Variants in HDAC9 observed in about 807,000 individuals in gnomAD.
The protein encoded by HDAC9 is MEF-2 interacting transcription repressor (MITR) protein.
In HDAC9, 41 loss-of-function variants were observed where a neutral mutation model predicts 139.4. That is an observed-to-expected ratio of 0.29 (90% CI 0.23 to 0.38). The LOEUF is 0.38. HDAC9 is among the 10% of genes least tolerant of loss of function. HDAC9 has a pLI of 1.00. For missense variants in HDAC9, 1,147 were observed against 1,297.0 expected, an observed-to-expected ratio of 0.88 and a Z score of 1.78; for synonymous variants, 517 against 476.2, an observed-to-expected ratio of 1.09 and a Z score of -1.12.
At chr7:18,937,030 A>ATTTTT (rs768350029) in intron 23 of HDAC9, among the ~76,000 whole-genome samples, 45 of 96,698 alleles carry the variant, frequency 4.7e-4, no homozygotes, top group Non-Finnish European at 6.4e-4. Flanking sequence ...GCTCTTGTTA[A>ATTTTT]TTTTTTTTTT....
intron 21 of HDAC9, among the ~76,000 whole-genome samples, chr7:18,852,857 TC>T (rs1176790083): frequency 6.6e-6 from 1 of 151,816 alleles, no homozygotes; most frequent in Non-Finnish European, 1.5e-5. Context: ...TTTTTTTTTT[TC>T]CCTCTCTTTC....
chr7:18,339,136 G>A (rs1421428687), intron 1 of HDAC9, among the ~76,000 whole-genome samples: 1 of 151,336 alleles, frequency 6.6e-6, no homozygotes, highest in African/African-American at 2.4e-5. Context: ...TTGGTAATTA[G>A]TATCTTGCCT....
intron 22 of HDAC9, among the ~76,000 whole-genome samples, chr7:18,878,960 G>A (rs1401914153): frequency 6.6e-6 from 1 of 152,094 alleles, no homozygotes; most frequent in African/African-American, 2.4e-5. Flanking sequence ...CTTCATCAAA[G>A]TTTCAAGATG....
chr7:18,214,852 C>T (rs938692589), intron 2 of HDAC9, among the ~76,000 whole-genome samples: 3 of 152,102 alleles, frequency 2.0e-5, no homozygotes, highest in African/African-American at 7.2e-5. Flanking sequence ...TGTTATGGTT[C>T]TGTCCACTCA....
intron 1 of HDAC9, among the ~76,000 whole-genome samples, chr7:18,115,553 A>G (rs2128087575): frequency 6.6e-6 from 1 of 152,326 alleles, no homozygotes; most frequent in East Asian, 1.9e-4. Flanking sequence ...TAAGTCATTT[A>G]CATTTTATAT....
At chr7:18,410,952 G>A (rs1049365015) in intron 1 of HDAC9, among the ~76,000 whole-genome samples, 1 of 152,192 alleles carries the variant, frequency 6.6e-6, no homozygotes, top group South Asian at 2.1e-4. Context: ...TAGCCTTATA[G>A]AATTATAATC....
intron 1 of HDAC9, among the ~76,000 whole-genome samples, chr7:18,293,215 T>C (rs1455107094): frequency 6.6e-6 from 1 of 152,122 alleles, no homozygotes; most frequent in African/African-American, 2.4e-5. Context: ...TATGATCTTT[T>C]TGCAGAAAAA....
At chr7:18,529,415 CT>C (rs1458576283) in intron 2 of HDAC9, among the ~76,000 whole-genome samples, 4 of 152,170 alleles carry the variant, frequency 2.6e-5, no homozygotes, top group Non-Finnish European at 1.5e-5. Flanking sequence ...AGAGATTTTA[CT>C]TTAGCCAATT....
intron 1 of HDAC9, among the ~76,000 whole-genome samples, chr7:18,363,224 C>A (rs1783919696): frequency 6.6e-6 from 1 of 152,034 alleles, no homozygotes; most frequent in Non-Finnish European, 1.5e-5. Context: ...GGTAGATTTT[C>A]CATATAATTT....
Position 18,786,599 on chromosome 7 carries a change from TTCCTTCCTTCCTTCCTTCCCTCCCTCCC to T in HDAC9, c.2215-6732_2215-6705del, listed in dbSNP as rs1279668312. Among the ~76,000 whole-genome samples the T allele has an allele frequency of 7.0e-5, 6 of 86,264 alleles. 1 individual carries two copies. The highest frequency in any genetic ancestry group is 2.8e-4 in the African/African-American group (6 of 21,410). 56.6% of individuals were successfully genotyped at this position (86,264 alleles called of 152,430 possible). On this transcript the variant is annotated intron_variant, in intron 16 of 25. Coordinates refer to ENST00000686413, the MANE Select transcript of HDAC9 (RefSeq NM_178425.4). ...ATGGCTGGCTGGCTTCCTTCCTTCC[TTCCTTCCTTCCTTCCTTCCCTCCCTCCC>T]TCCTTCCTTCCTTTCTTCCCTCCTT...
chr7:18,296,644 T>A (rs1301993929), intron 1 of HDAC9, among the ~76,000 whole-genome samples: 1 of 152,174 alleles, frequency 6.6e-6, no homozygotes, highest in Non-Finnish European at 1.5e-5. Flanking sequence ...GTTTTTAAAA[T>A]GTCTATGCCT....
intron 23 of HDAC9, among the ~76,000 whole-genome samples, chr7:18,937,153 C>G (rs1382485463): frequency 6.6e-6 from 1 of 150,866 alleles, no homozygotes; most frequent in African/African-American, 2.4e-5. Flanking sequence ...GATTCCCCTG[C>G]CTCAGCCACC....
At chr7:18,610,438 A>C (rs2128906679) in intron 6 of HDAC9, among the ~76,000 whole-genome samples, 1 of 152,228 alleles carries the variant, frequency 6.6e-6, no homozygotes, top group South Asian at 2.1e-4. Flanking sequence ...ACCTTTTCAC[A>C]GTTTAACAAC....
chr7:18,263,284 CAAG>C (rs1309838667), intron 2 of HDAC9, among the ~76,000 whole-genome samples: 1 of 152,032 alleles, frequency 6.6e-6, no homozygotes, highest in Non-Finnish European at 1.5e-5. Context: ...TTTTATGTTA[CAAG>C]AAGATTTTAT....
intron 2 of HDAC9, among the ~76,000 whole-genome samples, chr7:18,279,052 G>A (rs1796928334): frequency 6.6e-6 from 1 of 152,162 alleles, no homozygotes; most frequent in Non-Finnish European, 1.5e-5. Flanking sequence ...ACCAATCTCA[G>A]GCGTGGACAG....
chr7:18,998,744 T>C lies in HDAC9; in HGVS notation c.*2682T>C, dbSNP rs958291862. Reference sequence around the variant, plus strand: ...AGAAGAGTATTATCAATTTTGCATCTCCTTGTGATACTTACTTTGAAGGAA... The same window carrying C: ...AGAAGAGTATTATCAATTTTGCATCCCCTTGTGATACTTACTTTGAAGGAA... On this transcript the variant is annotated 3_prime_UTR_variant, in exon 26 of 26. Transcript: ENST00000686413. The C allele has an allele frequency of 1.3e-5, 2 of 152,234 alleles. No homozygotes were observed. Among genetic ancestry groups the C allele is most frequent in the African/African-American group, 4.8e-5 (2 of 41,458 alleles). The allele number at this position is 152,234 out of a possible 1,614,324, so 9.4% of individuals were successfully genotyped here.
intron 11 of HDAC9, among the ~76,000 whole-genome samples, chr7:18,649,343 G>A (rs2129033690): frequency 6.6e-6 from 1 of 152,226 alleles, no homozygotes; most frequent in Admixed American, 6.5e-5. Context: ...GAATTCGTAA[G>A]CAAAATGATA....
intron 17 of HDAC9, among the ~76,000 whole-genome samples, chr7:18,817,415 C>A (rs1794655631): frequency 1.3e-5 from 2 of 151,956 alleles, no homozygotes; most frequent in African/African-American, 2.4e-5. Context: ...ATAAAAAAAA[C>A]CCAAAGAGGG....
chr7:18,501,493 G>C (rs996801052), intron 2 of HDAC9, among the ~76,000 whole-genome samples: 1 of 152,156 alleles, frequency 6.6e-6, no homozygotes, highest in Non-Finnish European at 1.5e-5. Context: ...GAAGTATTTA[G>C]TACATTTATA....
Sources: allele counts gnomAD v4.1 joint callset (sites outside exome capture counted in the v4.1 genomes callset), GRCh38; gene constraint gnomAD v4.1.1; transcripts MANE v1.5; gene names NCBI Gene and HGNC (gene_info 2026-07-23, HGNC 2026-07-21).